Variants in ATG101 observed in about 807,000 individuals in gnomAD.
The protein encoded by ATG101 is autophagy-related protein 101.
ATG101 carries 6 observed loss-of-function variants against 16.7 expected under a neutral mutation model. The observed-to-expected ratio is 0.36, with a 90% confidence interval of 0.20 to 0.71. The LOEUF (loss-of-function observed/expected upper bound fraction) is 0.71, where lower values mean the gene tolerates loss of function less well. Ranked by LOEUF, ATG101 falls within the 30% of genes least tolerant of loss-of-function variation. ATG101 has a pLI of 0.57. For missense variants in ATG101, 200 were observed against 292.5 expected (o/e 0.68, Z 2.31); for synonymous variants, 108 against 118.1 (o/e 0.91, Z 0.56).
At chr12:52,075,613 G>A (rs1939719708) in intron 3 of ATG101, among the ~76,000 whole-genome samples, 1 of 152,186 alleles carries the variant, frequency 6.6e-6, no homozygotes, top group South Asian at 2.1e-4. Flanking sequence ...CTCTGGGTTG[G>A]TATTAACTCA....
At position 52,077,450 on chromosome 12, in the gene ATG101, C is replaced by T. The variant is rs1939752799; in HGVS notation, c.*260C>T. The T allele has an allele frequency of 2.0e-6, 1 of 492,668 alleles. No individual in the cohort carries two copies. Among genetic ancestry groups the T allele is most frequent in the South Asian group, 3.2e-5 (1 of 31,742 alleles). 30.5% of individuals were successfully genotyped at this position (492,668 alleles called of 1,614,324 possible). ...TTCTTTCTCCACTGTACAGAAGAGC[C>T]ACCACTGGGATGGGGAATAAAGTTG... On this transcript the variant is annotated 3_prime_UTR_variant, in exon 4 of 4. Transcript: ENST00000336854.
chr12:52,076,009 A>G (rs929637148), intron 3 of ATG101, among the ~76,000 whole-genome samples: 1 of 152,110 alleles, frequency 6.6e-6, no homozygotes, highest in African/African-American at 2.4e-5. Context: ...AAAATAAAAA[A>G]AATTAAAACT....
chr12:52,076,682 A>G, intron 3 of ATG101, 104 bp from the exon 4 acceptor site: 2 of 1,336,610 alleles, frequency 1.5e-6, no homozygotes, highest in East Asian at 2.4e-5. Flanking sequence ...TGCTTGGATG[A>G]TGACTAGAGC....
intron 2 of ATG101, among the ~76,000 whole-genome samples, chr12:52,072,059 A>G (rs1455584105): frequency 6.6e-6 from 1 of 152,236 alleles, no homozygotes; most frequent in African/African-American, 2.4e-5. Flanking sequence ...ATCTCTTGGC[A>G]GTAACAATGT....
At chr12:52,072,467 C>T (rs188143121) in intron 2 of ATG101, among the ~76,000 whole-genome samples, 102 of 152,316 alleles carry the variant, frequency 6.7e-4, no homozygotes, top group Non-Finnish European at 3.5e-4. Context: ...CATGAAAAAC[C>T]GCCCACACCT....
intron 2 of ATG101, among the ~76,000 whole-genome samples, chr12:52,073,369 A>G (rs557475954): frequency 6.6e-6 from 1 of 152,346 alleles, no homozygotes; most frequent in South Asian, 2.1e-4. Context: ...AGGCTGTAAA[A>G]TGGAATCCCA....
chr12:52,076,611 G>A (rs1423598106), intron 3 of ATG101, among the ~76,000 whole-genome samples, 175 bp from the exon 4 acceptor site: 2 of 152,184 alleles, frequency 1.3e-5, no homozygotes. Context: ...TTTCAGGCTG[G>A]CAGTTTGCTG....
rs142199688 is a variant in ATG101, at chr12:52,074,015, G to A, written c.252+113G>A. The A allele has an allele frequency of 1.3e-4, 185 of 1,424,308 alleles. No homozygotes were observed. In the African/African-American group the frequency reaches 2.4e-3, roughly 18 times the overall value. 88.2% of individuals were successfully genotyped at this position (1,424,308 alleles called of 1,614,324 possible). On this transcript the variant is annotated intron_variant, in intron 3 of 3. Coordinates refer to ENST00000336854, the MANE Select transcript of ATG101 (RefSeq NM_021934.5). ...GAACCAGCCTTCTCTTCCTGAGTGC[G>A]TGAATCGGGTTCTTTCAGGTTCTGA...
intron 3 of ATG101, among the ~76,000 whole-genome samples, chr12:52,075,179 T>A (rs770328322): frequency 4.6e-5 from 7 of 152,156 alleles, no homozygotes; most frequent in Non-Finnish European, 8.8e-5. Flanking sequence ...TTGCCCAGTG[T>A]CAGGTGAAAG....
chr12:52,066,268 G>A, upstream of ATG101, among the ~76,000 whole-genome samples: 1 of 152,202 alleles, frequency 6.6e-6, no homozygotes, highest in East Asian at 1.9e-4. Context: ...AGACCTAGGA[G>A]AAGCAGTTAT....
In ATG101 at chr12:52,077,382, G is replaced by A; in HGVS notation, c.*192G>A. 1 of 655,848 alleles carries A rather than the reference G, an allele frequency of 1.5e-6. No homozygotes were observed. Among genetic ancestry groups the A allele is most frequent in the Non-Finnish European group, 2.6e-6 (1 of 390,286 alleles). 40.6% of individuals were successfully genotyped at this position (655,848 alleles called of 1,614,324 possible). On this transcript the variant is annotated 3_prime_UTR_variant, in exon 4 of 4. Transcript: ENST00000336854. ...CCTTTTAATCTTTGCTGACGGTTCAGTCCTGCCTCTACTGTCTCTCCATAG... is the reference window on the plus strand; with the variant it reads ...CCTTTTAATCTTTGCTGACGGTTCAATCCTGCCTCTACTGTCTCTCCATAG...
At chr12:52,074,242 T>C (rs1565662050) in intron 3 of ATG101, among the ~76,000 whole-genome samples, 1 of 152,216 alleles carries the variant, frequency 6.6e-6, no homozygotes, top group Non-Finnish European at 1.5e-5. Context: ...TGCTTCTGCT[T>C]CCACTTTTCC....
At chr12:52,066,326 T>C (rs1213719741), upstream of ATG101, among the ~76,000 whole-genome samples, 3 of 152,192 alleles carry the variant, frequency 2.0e-5, no homozygotes, top group East Asian at 5.8e-4. Context: ...ATGTCCCAGT[T>C]CTAAGACAGT....
intron 3 of ATG101, among the ~76,000 whole-genome samples, chr12:52,074,264 A>C (rs946382616): frequency 6.6e-6 from 1 of 152,178 alleles, no homozygotes; most frequent in Non-Finnish European, 1.5e-5. Context: ...TTCCCACATG[A>C]AACTCCCCCA....
At position 52,077,175 on chromosome 12, in the gene ATG101, C is replaced by T. The variant is rs1939746666; in HGVS notation, c.642C>T (p.Asp214=). The T allele has an allele frequency of 6.2e-7, 1 of 1,612,362 alleles. No homozygotes were observed. Residue 214 remains aspartate, a synonymous_variant, in exon 4 of 4, where the codon GAC becomes GAT. Transcript: ENST00000336854. ...CCACCATGCGCAGGCTCATCAAAGA[C>T]ACCCTTGCCCTCTGAGCGTCGCTGG... is the stretch of plus-strand genomic sequence containing the variant. ...VTTTMRRLIK[D]TLAL is the part of the protein sequence containing the mutation.
At position 52,077,277 on chromosome 12, in the gene ATG101, C is replaced by T. The variant is rs1592319280; in HGVS notation, c.*87C>T. 1 of 1,447,722 alleles carries T rather than the reference C, an allele frequency of 6.9e-7. No individual in the cohort carries two copies. 89.7% of individuals were successfully genotyped at this position (1,447,722 alleles called of 1,614,324 possible). ...CTTTTGGGCCTTTGGGCTCTGGAAC[C>T]TGCTCTGGGTCATTGGTGAGACTTG... On this transcript the variant is annotated 3_prime_UTR_variant, in exon 4 of 4. Coordinates refer to ENST00000336854, the MANE Select transcript of ATG101 (RefSeq NM_021934.5).
At chr12:52,066,456 C>A (rs548337564), upstream of ATG101, among the ~76,000 whole-genome samples, 3 of 152,272 alleles carry the variant, frequency 2.0e-5, no homozygotes, top group East Asian at 5.8e-4. Flanking sequence ...TCTGCCAATT[C>A]CAATGTTAGG....
At chr12:52,068,983 G>A (rs1350151503), upstream of ATG101, among the ~76,000 whole-genome samples, 7 of 73,280 alleles carry the variant, frequency 9.6e-5, no homozygotes, top group Admixed American at 3.0e-4. Flanking sequence ...AGAGCGAGAC[G>A]CCGTCTCAAA....
At position 52,073,514 on chromosome 12, in the gene ATG101, A is replaced by G. The variant is rs191887276; in HGVS notation, c.-76-61A>G. 1.7e-5 allele frequency: 19 copies of G among 1,140,298 alleles called. No individual in the cohort carries two copies. In the African/African-American group the frequency reaches 3.0e-4, roughly 18 times the overall value. 70.6% of individuals were successfully genotyped at this position (1,140,298 alleles called of 1,614,324 possible). A position where few individuals can be genotyped will look rare whatever the true frequency, so the allele number is the denominator to read the frequency against. ...CAGAGGCTGAGCTGAGCCTAGAAGG[A>G]AGTGAACAGATAACACGTGGACTAT... On this transcript the variant is annotated intron_variant, in intron 2 of 3. Transcript: ENST00000336854.
Sources: gnomAD v4.1 joint callset for allele counts (sites outside exome capture counted in the v4.1 genomes callset) on GRCh38, gnomAD v4.1.1 for gene constraint, MANE v1.5 for transcripts, NCBI Gene and HGNC (gene_info 2026-07-23, HGNC 2026-07-21) for gene names.